The following ACVR1 variants were observed in gnomAD, a reference collection of about 807,000 sequenced individuals.
The protein encoded by ACVR1 is activin receptor type-1.
ACVR1 carries 38 observed loss-of-function variants against 57.1 expected under a neutral mutation model. That is an observed-to-expected ratio of 0.67 (90% CI 0.51 to 0.87). The LOEUF is 0.87. Among genes scored for constraint, ACVR1 ranks in the 40% least tolerant of loss-of-function variants. The probability of loss-of-function intolerance (pLI) is 0.00; values close to 1 mark genes in which losing one functional copy is unlikely to be tolerated. For synonymous variants in ACVR1, 212 were observed against 228.1 expected, an observed-to-expected ratio of 0.93 and a Z score of 0.63; for missense variants, 463 against 638.2, an observed-to-expected ratio of 0.73 and a Z score of 2.96.
At chr2:157,845,300 C>A (rs1358775337) in intron 1 of ACVR1, among the ~76,000 whole-genome samples, 3 of 152,248 alleles carry the variant, frequency 2.0e-5, no homozygotes, top group East Asian at 1.9e-4. Flanking sequence ...ATGTAAATAA[C>A]TTAAGAATCT....
At position 157,737,396 on chromosome 2, in the gene ACVR1, C is replaced by T. The variant is rs1462802482; in HGVS notation, c.*135G>A. On this transcript the variant is annotated 3_prime_UTR_variant, in exon 11 of 11. Coordinates refer to ENST00000434821, the MANE Select transcript of ACVR1 (RefSeq NM_001111067.4). ...CTCCCCAACACATGGCTGGGTACGA[C>T]GTCTGCCTTGTCAAAGCAGCCATTT... is the stretch of plus-strand genomic sequence containing the variant. 1.5e-5 allele frequency: 18 copies of T among 1,184,442 alleles called. No individual in the cohort carries two copies. Among genetic ancestry groups the T allele is most frequent in the South Asian group, 6.5e-5 (5 of 76,742 alleles). 73.4% of individuals were successfully genotyped at this position (1,184,442 alleles called of 1,614,324 possible). A position where few individuals can be genotyped will look rare whatever the true frequency, so the allele number is the denominator to read the frequency against.
chr2:157,840,533 T>C (rs975215045), intron 1 of ACVR1, among the ~76,000 whole-genome samples: 2 of 152,262 alleles, frequency 1.3e-5, no homozygotes, highest in Non-Finnish European at 2.9e-5. Flanking sequence ...AAGTGTCACC[T>C]GATCTTGGCC....
At chr2:157,816,471 T>C (rs1687940178) in intron 2 of ACVR1, among the ~76,000 whole-genome samples, 1 of 149,756 alleles carries the variant, frequency 6.7e-6, no homozygotes, top group Non-Finnish European at 1.5e-5. Context: ...GTTGTGTACA[T>C]CTATAGTCCT....
chr2:157,750,424 C>T (rs1481154025), intron 9 of ACVR1, among the ~76,000 whole-genome samples: 1 of 152,176 alleles, frequency 6.6e-6, no homozygotes, highest in African/African-American at 2.4e-5. Context: ...TCCTGGCATC[C>T]CTATCCCAAG....
At chr2:157,824,412 G>T (rs1164128744) in intron 1 of ACVR1, among the ~76,000 whole-genome samples, 1 of 152,156 alleles carries the variant, frequency 6.6e-6, no homozygotes, top group Non-Finnish European at 1.5e-5. Flanking sequence ...AGGCTACAGT[G>T]AGCCATGTTC....
Position 157,868,041 on chromosome 2 carries a change from G to A in ACVR1, c.-183+7755C>T, listed in dbSNP as rs182438073. ...TCTCCCTTTCTAAGCTTGCTCCTATGGTGCTCATCTTGATGTGCTCTACAG... is the reference window on the plus strand; with the variant it reads ...TCTCCCTTTCTAAGCTTGCTCCTATAGTGCTCATCTTGATGTGCTCTACAG... On this transcript the variant is annotated intron_variant, in intron 1 of 10. Transcript: ENST00000434821. 1.8e-3 allele frequency among the ~76,000 whole-genome samples: 272 copies of A among 152,166 alleles called. 2 individuals are homozygous for A. The highest frequency in any genetic ancestry group is 1.5e-3 in the East Asian group (8 of 5,166).
chr2:157,815,098 AAT>A, intron 2 of ACVR1, among the ~76,000 whole-genome samples: 1 of 152,338 alleles, frequency 6.6e-6, no homozygotes, highest in Non-Finnish European at 1.5e-5. Context: ...CAAAAAAATA[AAT>A]AAATAAAAAG....
At chr2:157,814,902 G>A (rs894004378) in intron 2 of ACVR1, among the ~76,000 whole-genome samples, 8 of 152,092 alleles carry the variant, frequency 5.3e-5, no homozygotes, top group Admixed American at 1.3e-4. Flanking sequence ...TGGCTAACAC[G>A]GTGAAACCCT....
chr2:157,756,989 G>C (rs1685452714), intron 9 of ACVR1, among the ~76,000 whole-genome samples: 1 of 137,042 alleles, frequency 7.3e-6, no homozygotes, highest in Non-Finnish European at 1.5e-5. Flanking sequence ...ATATATATTT[G>C]AGATATATAT....
intron 1 of ACVR1, among the ~76,000 whole-genome samples, chr2:157,827,696 G>A (rs1559081308): frequency 6.6e-6 from 1 of 152,090 alleles, no homozygotes; most frequent in African/African-American, 2.4e-5. Context: ...TGGGTCTACC[G>A]CTGACTTGGT....
At chr2:157,760,858 T>A (rs1285540884) in intron 9 of ACVR1, 22 bp downstream of exon 9, 14 of 1,611,408 alleles carry the variant, frequency 8.7e-6, no homozygotes, top group Non-Finnish European at 8.5e-7. Context: ...TAAGACAATA[T>A]TATATTAGAT....
chr2:157,781,003 CA>C (rs889449952), intron 3 of ACVR1, among the ~76,000 whole-genome samples: 33 of 150,164 alleles, frequency 2.2e-4, no homozygotes, highest in Non-Finnish European at 3.3e-4. Flanking sequence ...TATTCTATTC[CA>C]AAAAAAAAGC....
intron 9 of ACVR1, among the ~76,000 whole-genome samples, chr2:157,739,528 TCAAA>T (rs1423618851): frequency 1.3e-5 from 2 of 152,208 alleles, no homozygotes; most frequent in Non-Finnish European, 2.9e-5. Flanking sequence ...AACAAAGGGT[TCAAA>T]CAATGAGGTA....
chr2:157,755,899 A>C (rs1202158814), intron 9 of ACVR1, among the ~76,000 whole-genome samples: 2 of 152,160 alleles, frequency 1.3e-5, no homozygotes, highest in Non-Finnish European at 2.9e-5. Context: ...ATAATACATT[A>C]CCTGACTTCA....
intron 9 of ACVR1, among the ~76,000 whole-genome samples, chr2:157,746,157 C>G (rs896609590): frequency 1.3e-5 from 2 of 152,032 alleles, no homozygotes; most frequent in African/African-American, 4.8e-5. Flanking sequence ...GGTAGCAAAA[C>G]AAGAGGCAGA....
intron 2 of ACVR1, among the ~76,000 whole-genome samples, chr2:157,814,183 T>A (rs1464035533): frequency 6.6e-6 from 1 of 152,196 alleles, no homozygotes; most frequent in African/African-American, 2.4e-5. Context: ...AACAAAGTAA[T>A]AATTATTTCT....
Position 157,796,252 on chromosome 2 carries a change from A to G in ACVR1, c.67+3175T>C, listed in dbSNP as rs192883553. On this transcript the variant is annotated intron_variant, in intron 3 of 10. Transcript: ENST00000434821. ...AAAAAAAAAAAAATTAAAAGGCAAA[A>G]TATCATACAGAATCGATAGCCGGCC... is the stretch of plus-strand genomic sequence containing the variant. Among the ~76,000 whole-genome samples, 9 of 151,842 alleles carry G rather than the reference A, an allele frequency of 5.9e-5. No homozygotes were observed. In the East Asian group the frequency reaches 1.7e-3, roughly 29 times the overall value.
At chr2:157,849,163 T>C (rs1028981408) in intron 1 of ACVR1, among the ~76,000 whole-genome samples, 3 of 152,352 alleles carry the variant, frequency 2.0e-5, no homozygotes, top group Admixed American at 6.5e-5. Flanking sequence ...GTAAAACTCC[T>C]TGTTCAATGG....
intron 2 of ACVR1, chr2:157,806,820 A>C (rs1404411690): frequency 6.6e-6 from 1 of 152,208 alleles, no homozygotes. Flanking sequence ...CGGAACTGGC[A>C]ATGTGCAAAT....
Sources: allele counts gnomAD v4.1 joint callset (sites outside exome capture counted in the v4.1 genomes callset), GRCh38; gene constraint gnomAD v4.1.1; transcripts MANE v1.5; gene names NCBI Gene and HGNC (gene_info 2026-07-23, HGNC 2026-07-21).